The following B3GALT2 variants were observed in gnomAD, a reference collection of about 807,000 sequenced individuals.
B3GALT2 encodes UDP-Gal:betaGlcNAc beta 1,3-galactosyltransferase, polypeptide 2.
In B3GALT2, 13 loss-of-function variants were observed where a neutral mutation model predicts 33.5. The ratio of observed to expected loss-of-function variants is 0.39; its 90% CI spans 0.25 to 0.62. The LOEUF (loss-of-function observed/expected upper bound fraction) is 0.62, where lower values mean the gene tolerates loss of function less well. Ranked by LOEUF, B3GALT2 falls within the 20% of genes least tolerant of loss-of-function variation. B3GALT2 has a pLI of 0.53. For missense variants in B3GALT2, 418 were observed against 509.1 expected (o/e 0.82, Z 1.72); for synonymous variants, 195 against 172.7 (o/e 1.13, Z -1.01).
At chr1:193,182,780 T>C (rs191702925) in intron 1 of B3GALT2, among the ~76,000 whole-genome samples, 2 of 152,204 alleles carry the variant, frequency 1.3e-5, no homozygotes, top group East Asian at 3.9e-4. Flanking sequence ...TGTTTTTAGT[T>C]TTTGGGGACC....
At chr1:193,182,346 T>G (rs1490459230) in intron 1 of B3GALT2, among the ~76,000 whole-genome samples, 1 of 152,162 alleles carries the variant, frequency 6.6e-6, no homozygotes, top group Non-Finnish European at 1.5e-5. Flanking sequence ...AACTTTTCTT[T>G]GTAAATATGA....
chr1:193,180,121 A>G lies in B3GALT2; in HGVS notation c.*173T>C, dbSNP rs1676686838. On this transcript the variant is annotated 3_prime_UTR_variant, in exon 2 of 2. Transcript: ENST00000367434. ...ATTGTTTTGGGAAACCTTTTTTGTT[A>G]TATAATGTTATAGTTTTAAGAATTA... The G allele has an allele frequency of 1.8e-6, 1 of 554,612 alleles. No homozygotes were observed. The highest frequency in any genetic ancestry group is 4.6e-5 in the South Asian group (1 of 21,668). 34.4% of individuals were successfully genotyped at this position (554,612 alleles called of 1,614,324 possible).
chr1:193,180,663 T>C lies in B3GALT2; in HGVS notation c.900A>G (p.Pro300=). Residue 300 remains proline, a synonymous_variant, in exon 2 of 2, where the codon CCA becomes CCG. Coordinates refer to ENST00000367434, the MANE Select transcript of B3GALT2 (RefSeq NM_003783.3). The part of the protein sequence containing the change: ...RNKDSKWYMP[P]DLYPSERYPV... ...GATAACGCTCACTTGGGTAGAGGTC[T>C]GGTGGCATGTACCACTTGCTATCTT... 6.2e-7 allele frequency: 1 copy of C among 1,614,122 alleles called. No homozygotes were observed. The highest frequency in any genetic ancestry group is 8.5e-7 in the Non-Finnish European group (1 of 1,179,942).
rs1399489091 is a variant in B3GALT2, at chr1:193,179,977, TG to T, written c.*316del. The stretch of plus-strand genomic sequence containing the variant: ...GTCATTTCTTGAATTAAAATTTATG[TG>T]GAAAACATATGCAGATACATTTTAT... On this transcript the variant is annotated 3_prime_UTR_variant, in exon 2 of 2. Transcript: ENST00000367434. The T allele has an allele frequency of 5.6e-6, 1 of 179,770 alleles. No homozygotes were observed. Among genetic ancestry groups the T allele is most frequent in the Non-Finnish European group, 1.2e-5 (1 of 86,700 alleles). 11.1% of individuals were successfully genotyped at this position (179,770 alleles called of 1,614,324 possible).
chr1:193,182,936 A>G lies in B3GALT2; in HGVS notation c.-120-1254T>C, dbSNP rs559623732. Among the ~76,000 whole-genome samples, 309 of 152,176 alleles carry G rather than the reference A, an allele frequency of 2.0e-3. 1 individual carries two copies. The highest frequency in any genetic ancestry group is 6.9e-3 in the African/African-American group (285 of 41,562). On this transcript the variant is annotated intron_variant, in intron 1 of 1. Transcript: ENST00000367434. ...GAAAATTACTTCTTTAAGCAAAAGA[A>G]ATCAATTAAAAAGTTTTAATACAGG...
Position 193,179,527 on chromosome 1 carries a change from A to G in B3GALT2, c.*767T>C, listed in dbSNP as rs947603120. 10 of 152,746 alleles carry G rather than the reference A, an allele frequency of 6.5e-5. No homozygotes were observed. The highest frequency in any genetic ancestry group is 2.4e-4 in the African/African-American group (10 of 41,580). 9.5% of individuals were successfully genotyped at this position (152,746 alleles called of 1,614,324 possible). A position where few individuals can be genotyped will look rare whatever the true frequency, so the allele number is the denominator to read the frequency against. ...TGGTCTAATCCAATAACTCATTGAAATAGGAGTTTGGTTCTTAACATCAAT... is the reference window on the plus strand; with the variant it reads ...TGGTCTAATCCAATAACTCATTGAAGTAGGAGTTTGGTTCTTAACATCAAT... On this transcript the variant is annotated 3_prime_UTR_variant, in exon 2 of 2. Transcript: ENST00000367434.
Position 193,181,022 on chromosome 1 carries a change from G to T in B3GALT2, c.541C>A (p.Pro181Thr), listed in dbSNP as rs1180023206. 1 of 1,613,584 alleles carries T rather than the reference G, an allele frequency of 6.2e-7. No individual in the cohort carries two copies. The highest frequency in any genetic ancestry group is 1.3e-5 in the African/African-American group (1 of 74,870). ...AATATTCTTGTGATTTGAATACCAG[G>T]TGCTAGACTTTCATTGCCCCAAGTT... is the stretch of plus-strand genomic sequence containing the variant. Reference protein sequence around the residue: ...RQTWGNESLAPGIQITRIFLL... With the variant: ...RQTWGNESLATGIQITRIFLL... The change falls in exon 2 of 2, where the codon CCT becomes ACT. Residue 181 changes from proline (P) to threonine (T), a missense_variant. Coordinates refer to ENST00000367434, the MANE Select transcript of B3GALT2 (RefSeq NM_003783.3).
In B3GALT2 at chr1:193,185,500, T is replaced by C. The variant is rs535165309; in HGVS notation, c.-121+519A>G. On this transcript the variant is annotated intron_variant, in intron 1 of 1. Transcript: ENST00000367434. ...TGTTCATTATCTTCATTTAGGGAGA[T>C]GTTGGGGAAGATTTTGTTACTAAAA... Among the ~76,000 whole-genome samples, 744 of 152,220 alleles carry C rather than the reference T, an allele frequency of 4.9e-3. 6 individuals are homozygous for C. Among genetic ancestry groups the C allele is most frequent in the Non-Finnish European group, 7.3e-3 (498 of 67,956 alleles).
In B3GALT2 at chr1:193,181,290, C is replaced by T; in HGVS notation, c.273G>A (p.Leu91=). 6.2e-7 allele frequency: 1 copy of T among 1,614,084 alleles called. No individual in the cohort carries two copies. Among genetic ancestry groups the T allele is most frequent in the Non-Finnish European group, 8.5e-7 (1 of 1,179,964 alleles). ...TAGAGTTAGTTGCTGTTTGAGGCCT[C>T]AGGGTTTGAGGGACTGTTTCTTTCC... ...NIWKETVPQT[L]RPQTATNSNN... The change falls in exon 2 of 2, where the codon CTG becomes CTA. Residue 91 remains leucine (L), a synonymous_variant. Transcript: ENST00000367434.
intron 1 of B3GALT2, among the ~76,000 whole-genome samples, chr1:193,185,300 T>A (rs1676786509): frequency 6.6e-6 from 1 of 152,118 alleles, no homozygotes; most frequent in African/African-American, 2.4e-5. Context: ...TTAAAGCCAC[T>A]ATTGATGTCC....
rs766299677 is a variant in B3GALT2 at position 193,180,400 on chromosome 1, C to T, written c.1163G>A (p.Ser388Asn). The change falls in exon 2 of 2, where the codon AGT (serine) becomes AAT (asparagine). Residue 388 changes from serine to asparagine, a missense_variant. Ser to Asn is a conservative substitution (Grantham distance 46). Coordinates refer to ENST00000367434, the MANE Select transcript of B3GALT2 (RefSeq NM_003783.3). ...ATGGTTCCAGTATTTTATCAGTTCACTAGGCTGGAACTGATGAGAGGTAAT... is the reference window on the plus strand; with the variant it reads ...ATGGTTCCAGTATTTTATCAGTTCATTAGGCTGGAACTGATGAGAGGTAAT... ...HLITSHQFQPSELIKYWNHLQ... is the reference protein window; with the variant it reads ...HLITSHQFQPNELIKYWNHLQ... The T allele has an allele frequency of 3.1e-6, 5 of 1,613,792 alleles. No homozygotes were observed. The African/African-American group carries it at 6.7e-5, about 22-fold the overall frequency.
chr1:193,184,104 A>C (rs1268920133), intron 1 of B3GALT2, among the ~76,000 whole-genome samples: 6 of 151,894 alleles, frequency 4.0e-5, no homozygotes, highest in Admixed American at 3.9e-4. Context: ...ATTTTGTAAC[A>C]GTATGTGATA....
chr1:193,180,690 G>C lies in B3GALT2; in HGVS notation c.873C>G (p.Asn291Lys). The C allele has an allele frequency of 6.2e-7, 1 of 1,614,026 alleles. No homozygotes were observed. The highest frequency in any genetic ancestry group is 8.5e-7 in the Non-Finnish European group (1 of 1,179,940). ...YLMRGYAPNR[N>K]KDSKWYMPPD... ...GTGGCATGTACCACTTGCTATCTTT[G>C]TTTCGATTGGGTGCATATCCTCGCA... is the stretch of plus-strand genomic sequence containing the variant. Residue 291 changes from asparagine (N) to lysine (K), a missense_variant, in exon 2 of 2, where the codon AAC becomes AAG. By Grantham distance (94) the Asn-to-Lys change is moderately conservative. Transcript: ENST00000367434.
Position 193,181,181 on chromosome 1 carries a change from T to C in B3GALT2, c.382A>G (p.Thr128Ala). The C allele has an allele frequency of 6.2e-7, 1 of 1,613,900 alleles. No homozygotes were observed. The highest frequency in any genetic ancestry group is 8.5e-7 in the Non-Finnish European group (1 of 1,179,928). ...ANGSIYNEKG[T>A]GHPNSYHFKY... ...AAATGGTAAGAATTTGGATGTCCAG[T>C]ACCTTTTTCATTGTAAATACTTCCA... The change falls in exon 2 of 2, where the codon ACT becomes GCT. Residue 128 changes from threonine to alanine, a missense_variant. Transcript: ENST00000367434.
chr1:193,180,161 T>TA lies in B3GALT2; in HGVS notation c.*132dup, dbSNP rs1676687540. 5 of 800,570 alleles carry TA rather than the reference T, an allele frequency of 6.2e-6. No individual in the cohort carries two copies. Among genetic ancestry groups the TA allele is most frequent in the Admixed American group, 3.7e-5 (1 of 27,302 alleles). The allele number at this position is 800,570 out of a possible 1,614,324, so 49.6% of individuals were successfully genotyped here. A position where few individuals can be genotyped will look rare whatever the true frequency, so the allele number is the denominator to read the frequency against. Reference sequence around the variant, plus strand: ...TTTAAGAATTAACTTCTTCAGAAATTAAAAAAATACTTCTTGAATTTCTTT... The same window carrying TA: ...TTTAAGAATTAACTTCTTCAGAAATTAAAAAAAATACTTCTTGAATTTCTTT... On this transcript the variant is annotated 3_prime_UTR_variant, in exon 2 of 2. Transcript: ENST00000367434.
rs1676678371 is a variant in B3GALT2, at chr1:193,179,705, AAT to A, written c.*587_*588del. The A allele has an allele frequency of 6.6e-6, 1 of 152,566 alleles. No homozygotes were observed. The highest frequency in any genetic ancestry group is 2.1e-4 in the South Asian group (1 of 4,832). 9.5% of individuals were successfully genotyped at this position (152,566 alleles called of 1,614,324 possible). A position where few individuals can be genotyped will look rare whatever the true frequency, so the allele number is the denominator to read the frequency against. ...AGTATTAATAAAAGAAATTTAAAAT[AAT>A]ATCTCAGTTATTTTTAAAAAGTAAA... On this transcript the variant is annotated 3_prime_UTR_variant, in exon 2 of 2. Transcript: ENST00000367434.
chr1:193,181,657 G>T lies in B3GALT2; in HGVS notation c.-95C>A. The T allele has an allele frequency of 8.7e-7, 1 of 1,147,334 alleles. No individual in the cohort carries two copies. Among genetic ancestry groups the T allele is most frequent in the Non-Finnish European group, 1.2e-6 (1 of 809,680 alleles). The allele number at this position is 1,147,334 out of a possible 1,614,324, so 71.1% of individuals were successfully genotyped here. On this transcript the variant is annotated 5_prime_UTR_variant, in exon 2 of 2. It adds an upstream start codon to the 5' untranslated region. Transcript: ENST00000367434. Reference sequence around the variant, plus strand: ...TCTTTGGCAATCATTTTCTAATTCAGTCACATTGTCTCTCTTGTAGTCATT... The same window carrying T: ...TCTTTGGCAATCATTTTCTAATTCATTCACATTGTCTCTCTTGTAGTCATT...
At chr1:193,183,965 C>T (rs749403368) in intron 1 of B3GALT2, among the ~76,000 whole-genome samples, 1 of 151,628 alleles carries the variant, frequency 6.6e-6, no homozygotes. Flanking sequence ...GGAAAATAAT[C>T]ATAATTTATG....
chr1:193,181,529 C>T lies in B3GALT2; in HGVS notation c.34G>A (p.Ala12Thr). 1 of 1,606,346 alleles carries T rather than the reference C, an allele frequency of 6.2e-7. No homozygotes were observed. The highest frequency in any genetic ancestry group is 1.3e-5 in the African/African-American group (1 of 74,682). Residue 12 changes from alanine (A) to threonine (T), a missense_variant, in exon 2 of 2, where the codon GCA becomes ACA. Ala to Thr is a moderately conservative substitution (Grantham distance 58). Coordinates refer to ENST00000367434, the MANE Select transcript of B3GALT2 (RefSeq NM_003783.3). ...CTTTTGGCATTCCAGGTCATCTTTGCAAAGCAGCAGTGTCTTCTCCTCCAC... is the reference window on the plus strand; with the variant it reads ...CTTTTGGCATTCCAGGTCATCTTTGTAAAGCAGCAGTGTCTTCTCCTCCAC... ...LQWRRRHCCFAKMTWNAKRSL... is the reference protein window; with the variant it reads ...LQWRRRHCCFTKMTWNAKRSL...
Sources: allele counts gnomAD v4.1 joint callset (sites outside exome capture counted in the v4.1 genomes callset), GRCh38; gene constraint gnomAD v4.1.1; transcripts MANE v1.5; gene names NCBI Gene and HGNC (gene_info 2026-07-23, HGNC 2026-07-21).